TUBGCP3: variants seen among roughly 807,000 people sequenced by gnomAD.
The protein encoded by TUBGCP3 is gamma-tubulin complex component 3.
In TUBGCP3, 50 loss-of-function variants were observed where a neutral mutation model predicts 123.1. The ratio of observed to expected loss-of-function variants is 0.41; its 90% confidence interval spans 0.32 to 0.51. The LOEUF (loss-of-function observed/expected upper bound fraction) is 0.51, where lower values mean the gene tolerates loss of function less well. Ranked by LOEUF, TUBGCP3 falls within the 20% of genes least tolerant of loss-of-function variation. The pLI is 0.36. For synonymous variants in TUBGCP3, 405 were observed against 413.9 expected, an observed-to-expected ratio of 0.98 and a Z score of 0.26; for missense variants, 882 against 1,127.0, an observed-to-expected ratio of 0.78 and a Z score of 3.11.
At chr13:112,564,580 C>T (rs958006669) in intron 3 of TUBGCP3, among the ~76,000 whole-genome samples, 2 of 152,136 alleles carry the variant, frequency 1.3e-5, no homozygotes, top group African/African-American at 4.8e-5. Flanking sequence ...ACTTGGGAGG[C>T]CCAGGCAGGA....
chr13:112,489,506 C>T, intron 21 of TUBGCP3, 75 bp downstream of exon 21: 1 of 1,041,288 alleles, frequency 9.6e-7, no homozygotes, highest in Non-Finnish European at 1.5e-6. Context: ...CTGCTCTCAT[C>T]ACTGTGAAAG....
At chr13:112,521,911 G>A (rs553673797) in intron 14 of TUBGCP3, 1 of 904,750 alleles carries the variant, frequency 1.1e-6, no homozygotes, top group South Asian at 5.1e-5. Flanking sequence ...AAAATGAAAA[G>A]GTCATAGTTT....
chr13:112,587,802 C>A, intron 1 of TUBGCP3, 103 bp downstream of exon 1: 1 of 1,072,098 alleles, frequency 9.3e-7, no homozygotes, highest in Non-Finnish European at 1.3e-6. Context: ...TCTGCCCGGC[C>A]CTGCATCCTC....
At chr13:112,599,896 T>C in the TUBGCP3 span, among the ~76,000 whole-genome samples, 1 of 152,190 alleles carries the variant, frequency 6.6e-6, no homozygotes, top group Non-Finnish European at 1.5e-5. Context: ...ATTGAGAAGA[T>C]AGTACAGACT....
rs1308816108 is a variant in TUBGCP3 at position 112,518,983 on chromosome 13, T to C, written c.1942A>G (p.Ile648Val). 18 of 1,613,282 alleles carry C rather than the reference T, an allele frequency of 1.1e-5. No homozygotes were observed. Among genetic ancestry groups the C allele is most frequent in the African/African-American group, 2.7e-5 (2 of 75,044 alleles). ...ATGCAGGATAATCTTACAGTTGCAATTGGTCCGTCAACATGATAATCGAGG... is the reference window on the plus strand; with the variant it reads ...ATGCAGGATAATCTTACAGTTGCAACTGGTCCGTCAACATGATAATCGAGG... ...FSLDYHVDGP[I>V]ATVFTRECMS... Residue 648 changes from isoleucine to valine, a missense_variant, in exon 16 of 22, where the codon ATT (isoleucine) becomes GTT (valine). Physicochemically the swap from Ile to Val is conservative, Grantham distance 29 (BLOSUM62 3). This residue lies in a region of TUBGCP3 where 713 missense variants were observed against 874.0 expected (regional missense o/e 0.82). Transcript: ENST00000261965.
rs1487146440 is a variant in TUBGCP3 at position 112,554,052 on chromosome 13, C to T, written c.966+5G>A. ...ATCCCAGCATCCTAGGAACCATGAACGCACCTGCCCGACGAGTCCGAATGA... is the reference window on the plus strand; with the variant it reads ...ATCCCAGCATCCTAGGAACCATGAATGCACCTGCCCGACGAGTCCGAATGA... On this transcript the variant is annotated splice_donor_5th_base_variant and intron_variant, in intron 8 of 21. Transcript: ENST00000261965. The T allele has an allele frequency of 1.1e-5, 17 of 1,608,690 alleles. No homozygotes were observed. The highest frequency in any genetic ancestry group is 2.7e-5 in the African/African-American group (2 of 74,512).
Position 112,511,513 on chromosome 13 carries a change from G to A in TUBGCP3, c.2086+4927C>T, listed in dbSNP as rs371897462. Reference sequence around the variant, plus strand: ...GGCCGGTACTAAAGGCTGTGCTGCCGGAGCACAGAGCCCAGCTCCAGGATC... The same window carrying A: ...GGCCGGTACTAAAGGCTGTGCTGCCAGAGCACAGAGCCCAGCTCCAGGATC... On this transcript the variant is annotated intron_variant, in intron 17 of 21. Coordinates refer to ENST00000261965, the MANE Select transcript of TUBGCP3 (RefSeq NM_006322.6). This position sits in a 1 kb window ranked among gnomAD's most constrained non-coding sequence, Gnocchi z 4.1. Among the ~76,000 whole-genome samples, 6 of 152,070 alleles carry A rather than the reference G, an allele frequency of 3.9e-5. No homozygotes were observed. Among genetic ancestry groups the A allele is most frequent in the African/African-American group, 1.2e-4 (5 of 41,412 alleles).
At chr13:112,549,211 CAT>C in intron 8 of TUBGCP3, among the ~76,000 whole-genome samples, 1 of 152,162 alleles carries the variant, frequency 6.6e-6, no homozygotes, top group Non-Finnish European at 1.5e-5. Flanking sequence ...TGGAAACCAT[CAT>C]TCTGAGCAAA....
At chr13:112,559,163 G>A (rs1294676127) in intron 4 of TUBGCP3, among the ~76,000 whole-genome samples, 159 bp downstream of exon 4, 1 of 150,260 alleles carries the variant, frequency 6.7e-6, no homozygotes, top group Non-Finnish European at 1.5e-5. Flanking sequence ...GACTAAAAAT[G>A]TCCTTAAAAA....
chr13:112,489,545 G>A (rs1371792253), intron 21 of TUBGCP3, 36 bp downstream of exon 21: 2 of 1,399,036 alleles, frequency 1.4e-6, no homozygotes, highest in African/African-American at 2.8e-5. Context: ...CATGGGCAGA[G>A]TGGTGTGAAG....
upstream of TUBGCP3, among the ~76,000 whole-genome samples, chr13:112,588,324 C>T (rs1240815053): frequency 6.6e-6 from 1 of 152,194 alleles, no homozygotes; most frequent in Non-Finnish European, 1.5e-5. Flanking sequence ...AGAGCGGCCC[C>T]GGAGTCGCGA....
intron 10 of TUBGCP3, 88 bp downstream of exon 10, chr13:112,547,532 A>ACGCG (rs1566567232): frequency 2.9e-6 from 4 of 1,357,262 alleles, no homozygotes; most frequent in South Asian, 4.1e-5. Context: ...CGTGGGAAAG[A>ACGCG]CGTGCATGGG....
intron 1 of TUBGCP3, among the ~76,000 whole-genome samples, chr13:112,586,889 A>C (rs1415055538): frequency 6.6e-6 from 1 of 152,206 alleles, no homozygotes; most frequent in East Asian, 1.9e-4. Flanking sequence ...AACTGTGTGA[A>C]GTCACTCATT....
At position 112,489,707 on chromosome 13, in the gene TUBGCP3, C is replaced by CA; in HGVS notation, c.2449-11dup. The stretch of plus-strand genomic sequence containing the variant: ...TCACTCCCCACTGGCCCTGAACAAT[C>CA]AAAAGTACCAAATGTCAGTAAAATC... On this transcript the variant is annotated splice_polypyrimidine_tract_variant and intron_variant, in intron 20 of 21. Transcript: ENST00000261965. 1.2e-6 allele frequency: 2 copies of CA among 1,601,694 alleles called. No individual in the cohort carries two copies. Among genetic ancestry groups the CA allele is most frequent in the Non-Finnish European group, 1.7e-6 (2 of 1,168,602 alleles).
chr13:112,591,836 A>G (rs143910639), upstream of TUBGCP3, among the ~76,000 whole-genome samples: 1 of 152,216 alleles, frequency 6.6e-6, no homozygotes, highest in African/African-American at 2.4e-5. Context: ...ACCACTCAAT[A>G]TCGGGATGGC....
At chr13:112,505,008 T>TA (rs1455675063) in intron 17 of TUBGCP3, among the ~76,000 whole-genome samples, 1 of 152,226 alleles carries the variant, frequency 6.6e-6, no homozygotes, top group Non-Finnish European at 1.5e-5. Flanking sequence ...ACATTTATTT[T>TA]ATAATAACGC....
intron 1 of TUBGCP3, among the ~76,000 whole-genome samples, chr13:112,572,450 G>A (rs1316399649): frequency 6.6e-6 from 1 of 151,738 alleles, no homozygotes; most frequent in Non-Finnish European, 1.5e-5. Flanking sequence ...TCTGGTGTGT[G>A]TTGTTCCCCT....
intron 11 of TUBGCP3, among the ~76,000 whole-genome samples, chr13:112,531,640 T>C (rs1877585925): frequency 6.6e-6 from 1 of 152,038 alleles, no homozygotes; most frequent in Non-Finnish European, 1.5e-5. Flanking sequence ...ATAAAGAAAA[T>C]GTAAGCCATA....
chr13:112,577,334 G>C (rs1245941616), intron 1 of TUBGCP3, among the ~76,000 whole-genome samples: 2 of 152,172 alleles, frequency 1.3e-5, no homozygotes, highest in Non-Finnish European at 2.9e-5. Flanking sequence ...TCCTCCATAT[G>C]ATGTGATGAA....
Sources: gnomAD v4.1 joint callset for allele counts (sites outside exome capture counted in the v4.1 genomes callset) on GRCh38, gnomAD v4.1.1 for gene constraint, gnomAD v4.1.1 regional missense constraint, Gnocchi (gnomAD v3.1) non-coding constraint, MANE v1.5 for transcripts, NCBI Gene and HGNC (gene_info 2026-07-23, HGNC 2026-07-21) for gene names.